SGF29: variants seen among roughly 807,000 people sequenced by gnomAD.
SGF29 encodes SAGA complex associated factor 29.
SGF29 carries 15 observed loss-of-function variants against 38.1 expected under a neutral mutation model. That is an observed-to-expected ratio of 0.39 (90% confidence interval 0.26 to 0.61). The LOEUF is 0.61. SGF29 is among the 20% of genes least tolerant of loss of function. The pLI, the probability that SGF29 is intolerant of heterozygous loss-of-function variation, is 0.49. For synonymous variants in SGF29, 151 were observed against 160.8 expected (o/e 0.94, Z 0.46); for missense variants, 184 against 394.6 (o/e 0.47, Z 4.52).
At chr16:28,579,019 T>C (rs1311727779) in intron 1 of SGF29, among the ~76,000 whole-genome samples, 2 of 152,082 alleles carry the variant, frequency 1.3e-5, no homozygotes, top group Admixed American at 1.3e-4. Flanking sequence ...GCTCCTGGAC[T>C]CAAACCATCC....
chr16:28,590,064 C>T lies in SGF29; in HGVS notation c.290-32C>T, dbSNP rs1210749596. 1.9e-6 allele frequency: 3 copies of T among 1,600,230 alleles called. No individual in the cohort carries two copies. The highest frequency in any genetic ancestry group is 2.6e-6 in the Non-Finnish European group (3 of 1,174,162). Reference sequence around the variant, plus strand: ...CGGGGGTCAAGGCCGGCACCTATCCCTGGGGCCTCAGGCCTCCCTTCCTTC... The same window carrying T: ...CGGGGGTCAAGGCCGGCACCTATCCTTGGGGCCTCAGGCCTCCCTTCCTTC... On this transcript the variant is annotated intron_variant, in intron 5 of 9. Coordinates refer to ENST00000317058, the MANE Select transcript of SGF29 (RefSeq NM_138414.3). This position sits in a 1 kb window ranked among gnomAD's most constrained non-coding sequence, Gnocchi z 8.2.
chr16:28,559,671 C>T (rs993319386), intron 1 of SGF29, among the ~76,000 whole-genome samples: 5 of 152,110 alleles, frequency 3.3e-5, no homozygotes, highest in African/African-American at 7.2e-5. Context: ...CCACCGCACC[C>T]GGCCCATTAA....
At chr16:28,581,411 C>A (rs1302222777) in intron 2 of SGF29, among the ~76,000 whole-genome samples, 1 of 152,160 alleles carries the variant, frequency 6.6e-6, no homozygotes, top group Non-Finnish European at 1.5e-5. Context: ...AGTGTATAAT[C>A]CAGTGGTTTT....
At position 28,564,555 on chromosome 16, in the gene SGF29, A is replaced by ATATATATACG. The variant is rs1434601032; in HGVS notation, c.-16+10466_-16+10467insCGTATATATA. 2.6e-4 allele frequency among the ~76,000 whole-genome samples: 35 copies of ATATATATACG among 132,242 alleles called. 1 individual carries two copies. The highest frequency in any genetic ancestry group is 2.0e-3 in the South Asian group (9 of 4,562). 86.8% of individuals were successfully genotyped at this position (132,242 alleles called of 152,430 possible). A position where few individuals can be genotyped will look rare whatever the true frequency, so the allele number is the denominator to read the frequency against. ...TATATATATGTATATATATACGTATATATATATATACGTATATATATACAC... is the reference window on the plus strand; with the variant it reads ...TATATATATGTATATATATACGTATATATATATACGTATATATATACGTATATATATACAC... On this transcript the variant is annotated intron_variant, in intron 1 of 9. Coordinates refer to ENST00000317058, the MANE Select transcript of SGF29 (RefSeq NM_138414.3).
chr16:28,586,412 G>A (rs866161445), intron 4 of SGF29, among the ~76,000 whole-genome samples: 2 of 151,482 alleles, frequency 1.3e-5, no homozygotes, highest in Non-Finnish European at 2.9e-5. Context: ...GGTGGCGCAC[G>A]CTACTTGGGA....
chr16:28,562,141 T>C (rs1237028054), intron 1 of SGF29, among the ~76,000 whole-genome samples: 1 of 152,198 alleles, frequency 6.6e-6, no homozygotes, highest in African/African-American at 2.4e-5. Context: ...GCATTTCTTT[T>C]GCTTGTGCGA....
At chr16:28,579,189 A>G (rs1011895116) in intron 1 of SGF29, among the ~76,000 whole-genome samples, 3 of 144,322 alleles carry the variant, frequency 2.1e-5, no homozygotes, top group African/African-American at 5.2e-5. Flanking sequence ...GCATATGTCT[A>G]TTTTCACCTA....
chr16:28,574,140 A>G (rs2046880591), intron 1 of SGF29, among the ~76,000 whole-genome samples: 1 of 152,234 alleles, frequency 6.6e-6, no homozygotes, highest in Non-Finnish European at 1.5e-5. Flanking sequence ...GGCAAGTTTC[A>G]GAGCAGGAGT....
At chr16:28,585,513 C>G in intron 3 of SGF29, 135 bp from the exon 4 acceptor site, 1 of 794,068 alleles carries the variant, frequency 1.3e-6, no homozygotes, top group Non-Finnish European at 2.2e-6. Context: ...CAGGAGCACT[C>G]CTGAGCCAGC....
intron 1 of SGF29, among the ~76,000 whole-genome samples, chr16:28,565,115 G>A (rs1017966808): frequency 6.6e-6 from 1 of 152,050 alleles, no homozygotes; most frequent in African/African-American, 2.4e-5. Flanking sequence ...GAGCCAGCAC[G>A]CGGACTCAGC....
intron 1 of SGF29, among the ~76,000 whole-genome samples, chr16:28,564,676 T>C (rs796083874): frequency 3.3e-5 from 3 of 91,184 alleles, no homozygotes; most frequent in East Asian, 4.9e-4. Context: ...CATATATATG[T>C]ATATATATGT....
intron 2 of SGF29, 78 bp from the exon 3 acceptor site, chr16:28,584,835 G>A (rs2046947091): frequency 1.0e-6 from 1 of 961,252 alleles, no homozygotes; most frequent in Non-Finnish European, 1.6e-6. Flanking sequence ...TTTGGGGATG[G>A]GGACTCTGGC....
chr16:28,589,523 G>A (rs957006031), intron 5 of SGF29: 7 of 254,144 alleles, frequency 2.8e-5, no homozygotes, highest in Non-Finnish European at 5.4e-5. Context: ...CAGCCTTCCA[G>A]ACCCCCTCAG....
Position 28,582,373 on chromosome 16 carries a change from C to T in SGF29, c.75+1229C>T, listed in dbSNP as rs116594916. Among the ~76,000 whole-genome samples the T allele has an allele frequency of 4.9e-3, 664 of 135,202 alleles. 7 individuals carry two copies. Among genetic ancestry groups the T allele is most frequent in the African/African-American group, 0.016 (622 of 38,896 alleles). The allele number at this position is 135,202 out of a possible 152,430, so 88.7% of individuals were successfully genotyped here. A position where few individuals can be genotyped will look rare whatever the true frequency, so the allele number is the denominator to read the frequency against. ...GGGGGTGGAACTCTTCTGCAGGGTA[C>T]CATGATGGGGGGCACGCAACATGAT... On this transcript the variant is annotated intron_variant, in intron 2 of 9. Transcript: ENST00000317058.
In SGF29 at chr16:28,590,783, C is replaced by G; in HGVS notation, c.613C>G (p.Leu205Val). The G allele has an allele frequency of 1.2e-6, 2 of 1,614,044 alleles. No homozygotes were observed. Among genetic ancestry groups the G allele is most frequent in the Non-Finnish European group, 1.7e-6 (2 of 1,179,952 alleles). ...IDEEGKERHTLSRRRVIPLPQ... is the reference protein window; with the variant it reads ...IDEEGKERHTVSRRRVIPLPQ... ...CCCCTCTTCCCCCAGGAGACACACC[C>G]TGAGCCGGCGCCGTGTCATCCCGCT... The change falls in exon 9 of 10, where the codon CTG becomes GTG. Residue 205 changes from leucine (L) to valine (V), a missense_variant. This residue lies in a region of SGF29 where 107 missense variants were observed against 276.9 expected (regional missense o/e 0.39). Coordinates refer to ENST00000317058, the MANE Select transcript of SGF29 (RefSeq NM_138414.3). This position sits in a 1 kb window ranked among gnomAD's most constrained non-coding sequence, Gnocchi z 8.2.
chr16:28,579,374 C>T (rs1198591496), intron 1 of SGF29, among the ~76,000 whole-genome samples: 1 of 150,672 alleles, frequency 6.6e-6, no homozygotes, highest in African/African-American at 2.4e-5. Context: ...TCTCCTGCCT[C>T]AGCTTCCTGA....
intron 1 of SGF29, among the ~76,000 whole-genome samples, chr16:28,564,754 TG>T (rs2046824386): frequency 1.4e-5 from 1 of 73,862 alleles, no homozygotes; most frequent in African/African-American, 4.8e-5. Context: ...TGTATATATA[TG>T]TATATATGTA....
intron 1 of SGF29, among the ~76,000 whole-genome samples, chr16:28,568,418 T>C (rs1187264275): frequency 6.6e-6 from 1 of 151,414 alleles, no homozygotes; most frequent in Non-Finnish European, 1.5e-5. Flanking sequence ...CTATAGGATA[T>C]GAGAAATTAC....
Position 28,587,438 on chromosome 16 carries a change from C to A in SGF29, c.225-1662C>A, listed in dbSNP as rs1370262822. On this transcript the variant is annotated intron_variant, in intron 4 of 9. Coordinates refer to ENST00000317058, the MANE Select transcript of SGF29 (RefSeq NM_138414.3). ...TTTGGCCCCGTGGCTCTTTCTCCTT[C>A]TCTGCTTTCTGGGGTCCCGGTGCTC... Among the ~76,000 whole-genome samples the A allele has an allele frequency of 2.0e-5, 3 of 152,364 alleles. No individual in the cohort carries two copies. In the East Asian group the frequency reaches 5.8e-4, roughly 29 times the overall value.
Sources: allele counts gnomAD v4.1 joint callset (sites outside exome capture counted in the v4.1 genomes callset), GRCh38; gene constraint gnomAD v4.1.1; regional missense constraint gnomAD v4.1.1; non-coding constraint Gnocchi (gnomAD v3.1); transcripts MANE v1.5; gene names NCBI Gene and HGNC (gene_info 2026-07-23, HGNC 2026-07-21).